The following ZBTB16 variants were observed in gnomAD, a reference collection of about 807,000 sequenced individuals.
The protein encoded by ZBTB16 is zinc finger and BTB domain-containing protein 16.
Under a neutral mutation model 56.8 loss-of-function variants are expected in ZBTB16, and 8 were observed. The ratio of observed to expected loss-of-function variants is 0.14; its 90% CI spans 0.08 to 0.25. ZBTB16 has a LOEUF of 0.25. ZBTB16 is among the 10% of genes least tolerant of loss of function. ZBTB16 has a pLI of 1.00. For synonymous variants in ZBTB16, 363 were observed against 368.5 expected (o/e 0.98, Z 0.17); for missense variants, 625 against 903.0 (o/e 0.69, Z 3.95).
chr11:114,242,222 C>T lies in ZBTB16; in HGVS notation c.1509C>T (p.Ser503=), dbSNP rs752951049. Residue 503 remains serine (S), a synonymous_variant, in exon 5 of 7, where the codon AGC becomes AGT. Coordinates refer to ENST00000335953, the MANE Select transcript of ZBTB16 (RefSeq NM_006006.6). Reference sequence around the variant, plus strand: ...GTGGGAAGCGCTTCCAGGCGCAGAGCGCACTGCAGCAGCACATGGAGGTCC... The same window carrying T: ...GTGGGAAGCGCTTCCAGGCGCAGAGTGCACTGCAGCAGCACATGGAGGTCC... The part of the protein sequence containing the change: ...LLCGKRFQAQ[S]ALQQHMEVHA... 23 of 1,613,804 alleles carry T rather than the reference C, an allele frequency of 1.4e-5. No homozygotes were observed. Among genetic ancestry groups the T allele is most frequent in the South Asian group, 8.8e-5 (8 of 91,092 alleles).
chr11:114,069,517 A>T (rs1939251697), intron 2 of ZBTB16, among the ~76,000 whole-genome samples: 1 of 152,222 alleles, frequency 6.6e-6, no homozygotes, highest in Admixed American at 6.5e-5. Context: ...TGTGGCTAAG[A>T]TATCAGAGTT....
In ZBTB16 at chr11:114,120,935, G is replaced by A. The variant is rs144883133; in HGVS notation, c.1269-35402G>A. 7.3e-3 allele frequency among the ~76,000 whole-genome samples: 1,117 copies of A among 152,272 alleles called. 14 individuals are homozygous for A. Among genetic ancestry groups the A allele is most frequent in the African/African-American group, 0.024 (987 of 41,558 alleles). On this transcript the variant is annotated intron_variant, in intron 2 of 6. Transcript: ENST00000335953. ...CCTGGGAAGCCATACAGCCTTGGCC[G>A]CTTCAAGATGGTGCCTCCTTGGGCA...
Position 114,251,749 on chromosome 11 carries a change from G to A in ZBTB16, c.*1194G>A, listed in dbSNP as rs1384139169. Among the ~76,000 whole-genome samples the A allele has an allele frequency of 2.6e-5, 4 of 152,206 alleles. No individual in the cohort carries two copies. The highest frequency in any genetic ancestry group is 9.7e-5 in the African/African-American group (4 of 41,440). On this transcript the variant is annotated 3_prime_UTR_variant, in exon 7 of 7. Transcript: ENST00000335953. ...GCCCCTCGGTCCACAGTGGAGAGGA[G>A]GAGGAGGAGGAGCAGAAGGAGGGGG...
intron 2 of ZBTB16, among the ~76,000 whole-genome samples, chr11:114,082,675 T>C (rs1939809511): frequency 6.6e-6 from 1 of 152,058 alleles, no homozygotes; most frequent in Admixed American, 6.6e-5. Flanking sequence ...CTGTATCTTG[T>C]ACCTGGCACT....
At chr11:114,233,608 C>CT (rs888630669) in intron 4 of ZBTB16, among the ~76,000 whole-genome samples, 19 of 151,624 alleles carry the variant, frequency 1.3e-4, no homozygotes, top group South Asian at 4.2e-4. Context: ...TTCTCTCCTC[C>CT]TTTTTTTTTA....
chr11:114,140,329 A>G (rs1052348557), intron 2 of ZBTB16, among the ~76,000 whole-genome samples: 5 of 152,200 alleles, frequency 3.3e-5, no homozygotes, highest in Admixed American at 6.5e-5. Context: ...CCTGACGTGC[A>G]CATGTAAGTA....
rs888220689 is a variant in ZBTB16 at position 114,247,136 on chromosome 11, A to G, written c.1625-62A>G. 2.5e-6 allele frequency: 4 copies of G among 1,607,014 alleles called. No individual in the cohort carries two copies. The Admixed American group carries it at 6.7e-5, about 27-fold the overall frequency. ...CCTTCTCATGCACAGAATGTGCCCT[A>G]CTGTCCCCTGAAGAGGGGGCAGGGA... On this transcript the variant is annotated intron_variant, in intron 5 of 6. Coordinates refer to ENST00000335953, the MANE Select transcript of ZBTB16 (RefSeq NM_006006.6).
At chr11:114,091,107 G>C (rs546885258) in intron 2 of ZBTB16, among the ~76,000 whole-genome samples, 1 of 152,094 alleles carries the variant, frequency 6.6e-6, no homozygotes, top group African/African-American at 2.4e-5. Context: ...GAGGCACTTC[G>C]GGAGGCCGAG....
At chr11:114,157,665 C>G (rs1190464962) in intron 3 of ZBTB16, among the ~76,000 whole-genome samples, 1 of 152,220 alleles carries the variant, frequency 6.6e-6, no homozygotes, top group African/African-American at 2.4e-5. Flanking sequence ...CTCCCCACTG[C>G]CTTGCTGCAG....
chr11:114,067,422 G>C lies in ZBTB16; in HGVS notation c.1268+2854G>C, dbSNP rs535847212. 7.9e-5 allele frequency among the ~76,000 whole-genome samples: 12 copies of C among 152,204 alleles called. No homozygotes were observed. In the East Asian group the frequency reaches 1.5e-3, roughly 20 times the overall value. On this transcript the variant is annotated intron_variant, in intron 2 of 6. Transcript: ENST00000335953. ...ATGTGCTTTTGTTGTTGTTGTTGTT[G>C]TTGAGGCAGAGTCTTACTCTGTCGC...
At chr11:114,200,619 C>A (rs1165837047) in intron 4 of ZBTB16, among the ~76,000 whole-genome samples, 2 of 152,168 alleles carry the variant, frequency 1.3e-5, no homozygotes, top group African/African-American at 4.8e-5. Flanking sequence ...TTGGGGTGAT[C>A]TGGCAGGACT....
chr11:114,128,628 G>A (rs920148856), intron 2 of ZBTB16, among the ~76,000 whole-genome samples: 1 of 152,162 alleles, frequency 6.6e-6, no homozygotes, highest in African/African-American at 2.4e-5. Context: ...ACTTCATGAG[G>A]GTTAGCTGTG....
At chr11:114,169,169 C>T (rs909353410) in intron 3 of ZBTB16, among the ~76,000 whole-genome samples, 3 of 152,116 alleles carry the variant, frequency 2.0e-5, no homozygotes, top group Non-Finnish European at 4.4e-5. Context: ...GTAGATGCAC[C>T]CTGTGATGCT....
chr11:114,254,815 G>A lies in ZBTB16; in HGVS notation c.*4260G>A, dbSNP rs1433397175. Among the ~76,000 whole-genome samples, 1 of 152,204 alleles carries A rather than the reference G, an allele frequency of 6.6e-6. No homozygotes were observed. The highest frequency in any genetic ancestry group is 1.5e-5 in the Non-Finnish European group (1 of 68,038). ...TGAAAGGCGAGACTCACCCTACGCG[G>A]TGGGACAGATGGGGAGAGGAAAAAG... is the stretch of plus-strand genomic sequence containing the variant. On this transcript the variant is annotated 3_prime_UTR_variant, in exon 7 of 7. Transcript: ENST00000335953.
Position 114,247,181 on chromosome 11 carries a change from G to T in ZBTB16, c.1625-17G>T. ...CAGGGAGAGGCAAAGGCCTGATCCA[G>T]CCCCTTGTCTCCACAGGCGACCACC... is the stretch of plus-strand genomic sequence containing the variant. On this transcript the variant is annotated splice_polypyrimidine_tract_variant and intron_variant, in intron 5 of 6. Coordinates refer to ENST00000335953, the MANE Select transcript of ZBTB16 (RefSeq NM_006006.6). 6.2e-7 allele frequency: 1 copy of T among 1,614,250 alleles called. No homozygotes were observed. The highest frequency in any genetic ancestry group is 8.5e-7 in the Non-Finnish European group (1 of 1,180,042).
rs995157799 is a variant in ZBTB16 at position 114,095,144 on chromosome 11, C to T, written c.1268+30576C>T. On this transcript the variant is annotated intron_variant, in intron 2 of 6. Transcript: ENST00000335953. ...AGGAGTGGTGAGGAATGAAGATGCACGTGCACGCGCCCTGCAGTCTCAGTC... is the reference window on the plus strand; with the variant it reads ...AGGAGTGGTGAGGAATGAAGATGCATGTGCACGCGCCCTGCAGTCTCAGTC... 3.9e-5 allele frequency among the ~76,000 whole-genome samples: 6 copies of T among 151,918 alleles called. No individual in the cohort carries two copies. In the East Asian group the frequency reaches 5.8e-4, roughly 15 times the overall value.
At chr11:114,115,818 G>T (rs1238754164) in intron 2 of ZBTB16, among the ~76,000 whole-genome samples, 1 of 152,214 alleles carries the variant, frequency 6.6e-6, no homozygotes, top group Non-Finnish European at 1.5e-5. Context: ...GAGAAGGACA[G>T]AGAGGCAGGC....
intron 3 of ZBTB16, 90 bp downstream of exon 3, chr11:114,156,524 A>T: frequency 8.1e-7 from 1 of 1,233,852 alleles, no homozygotes; most frequent in Non-Finnish European, 1.2e-6. Flanking sequence ...TGTGGCCTGC[A>T]TGTCCCCACT....
At chr11:114,086,984 G>A (rs575796941) in intron 2 of ZBTB16, among the ~76,000 whole-genome samples, 2 of 152,076 alleles carry the variant, frequency 1.3e-5, no homozygotes, top group East Asian at 1.9e-4. Context: ...TCCTCCTCTG[G>A]TATTTCCTGG....
Sources: gnomAD v4.1 joint callset for allele counts (sites outside exome capture counted in the v4.1 genomes callset) on GRCh38, gnomAD v4.1.1 for gene constraint, MANE v1.5 for transcripts, NCBI Gene and HGNC (gene_info 2026-07-23, HGNC 2026-07-21) for gene names.